The following LOC128462377 variants were observed in gnomAD, a reference collection of about 807,000 sequenced individuals.
the LOC128462377 span, among the ~76,000 whole-genome samples, chr16:89,329,749 A>G: frequency 6.6e-6 from 1 of 152,202 alleles, no homozygotes; most frequent in African/African-American, 2.4e-5. Flanking sequence ...GACTGGGTGC[A>G]GTGAATCCCA....
the LOC128462377 span, among the ~76,000 whole-genome samples, chr16:89,355,764 G>A: frequency 2.8e-4 from 43 of 152,340 alleles, no homozygotes; most frequent in African/African-American, 9.9e-4. Flanking sequence ...GTTACTGAGC[G>A]CAGCCTGACA....
the LOC128462377 span, among the ~76,000 whole-genome samples, chr16:89,336,876 A>C: frequency 6.6e-6 from 1 of 152,112 alleles, no homozygotes. Context: ...CTGTAATCCC[A>C]GCACTCTGGG....
chr16:89,373,594 G>GC, the LOC128462377 span: 1 of 152,248 alleles, frequency 6.6e-6, no homozygotes. Flanking sequence ...GAAAACATCG[G>GC]CATGTGACTG....
At chr16:89,410,428 G>C in the LOC128462377 span, among the ~76,000 whole-genome samples, 2 of 152,220 alleles carry the variant, frequency 1.3e-5, no homozygotes, top group Non-Finnish European at 2.9e-5. Flanking sequence ...ATGGACACTG[G>C]TGTTGGGAGT....
the LOC128462377 span, among the ~76,000 whole-genome samples, chr16:89,401,373 G>A: frequency 6.6e-6 from 1 of 152,120 alleles, no homozygotes; most frequent in Non-Finnish European, 1.5e-5. Context: ...ACTGCGTCTG[G>A]CATTAAATTT....
the LOC128462377 span, among the ~76,000 whole-genome samples, chr16:89,399,580 C>T: frequency 6.6e-6 from 1 of 152,222 alleles, no homozygotes; most frequent in African/African-American, 2.4e-5. Context: ...GATACCACAA[C>T]GGTGGGTCCA....
chr16:89,397,893 T>A, the LOC128462377 span, among the ~76,000 whole-genome samples: 2 of 152,222 alleles, frequency 1.3e-5, no homozygotes, highest in African/African-American at 2.4e-5. Flanking sequence ...GGACTCTCCA[T>A]CCCTGGTCAA....
chr16:89,341,105 T>G, the LOC128462377 span, among the ~76,000 whole-genome samples: 1 of 152,212 alleles, frequency 6.6e-6, no homozygotes, highest in Admixed American at 6.5e-5. Context: ...TCATGTGGAC[T>G]GTTTATATGC....
chr16:89,409,454 C>G, the LOC128462377 span, among the ~76,000 whole-genome samples: 1 of 152,206 alleles, frequency 6.6e-6, no homozygotes, highest in Non-Finnish European at 1.5e-5. Context: ...GTGCACGTCA[C>G]GGCCCTGCCC....
At chr16:89,323,783 C>T in the LOC128462377 span, 2 of 252,460 alleles carry the variant, frequency 7.9e-6, no homozygotes, top group East Asian at 1.4e-4. Flanking sequence ...CCAGCTCTCT[C>T]TCCTTCCCCT....
chr16:89,354,062 G>A, the LOC128462377 span, among the ~76,000 whole-genome samples: 20 of 152,096 alleles, frequency 1.3e-4, 1 homozygote, highest in African/African-American at 4.6e-4. Flanking sequence ...GGGCTCTCGG[G>A]AGCTGCCCGC....
chr16:89,348,494 G>C, the LOC128462377 span, among the ~76,000 whole-genome samples: 1 of 152,296 alleles, frequency 6.6e-6, no homozygotes, highest in South Asian at 2.1e-4. Flanking sequence ...ACCCTCCTCT[G>C]TTGTGGAAGG....
the LOC128462377 span, among the ~76,000 whole-genome samples, chr16:89,330,465 C>T: frequency 1.3e-5 from 2 of 152,114 alleles, no homozygotes; most frequent in African/African-American, 4.8e-5. Flanking sequence ...TGCACAGACA[C>T]GGCTGCGGAT....
chr16:89,376,019 C>G, the LOC128462377 span, among the ~76,000 whole-genome samples: 15 of 152,252 alleles, frequency 9.9e-5, no homozygotes, highest in African/African-American at 3.6e-4. Context: ...AGGGCCATCA[C>G]AAAAAAAGAA....
At chr16:89,359,452 C>T in the LOC128462377 span, among the ~76,000 whole-genome samples, 2 of 152,338 alleles carry the variant, frequency 1.3e-5, no homozygotes, top group East Asian at 1.9e-4. Flanking sequence ...GCAGCGCACA[C>T]GTCTGCTGCA....
At chr16:89,406,752 C>G in the LOC128462377 span, among the ~76,000 whole-genome samples, 1 of 152,184 alleles carries the variant, frequency 6.6e-6, no homozygotes, top group East Asian at 1.9e-4. Context: ...TAAGCGATCC[C>G]ACCAAGCATG....
At chr16:89,319,139 T>C in the LOC128462377 span, among the ~76,000 whole-genome samples, 1 of 152,198 alleles carries the variant, frequency 6.6e-6, no homozygotes, top group African/African-American at 2.4e-5. Context: ...CTTCACCATG[T>C]AGAGTCCACC....
chr16:89,385,702 G>A, the LOC128462377 span, among the ~76,000 whole-genome samples: 23 of 152,314 alleles, frequency 1.5e-4, no homozygotes, highest in Admixed American at 2.6e-4. Context: ...AGTCCATCAC[G>A]TACAGTCTGC....
the LOC128462377 span, chr16:89,324,622 A>G: frequency 2.4e-6 from 1 of 419,314 alleles, no homozygotes; most frequent in Non-Finnish European, 4.8e-6. Context: ...CTGCGGAAGC[A>G]CTGGACTGGC....
Sources: gnomAD v4.1 joint callset for allele counts (sites outside exome capture counted in the v4.1 genomes callset) on GRCh38, gnomAD v4.1.1 for gene constraint, MANE v1.5 for transcripts.